The following PDS5B variants were observed in gnomAD, a reference collection of about 807,000 sequenced individuals.
PDS5B encodes sister chromatid cohesion protein PDS5 homolog B.
In PDS5B, 51 loss-of-function variants were observed where a neutral mutation model predicts 184.1. That is an observed-to-expected ratio of 0.28 (90% confidence interval 0.22 to 0.35). PDS5B has a LOEUF of 0.35. PDS5B is among the 10% of genes least tolerant of loss of function. The pLI, the probability that PDS5B is intolerant of heterozygous loss-of-function variation, is 1.00. For synonymous variants in PDS5B, 566 were observed against 569.2 expected (o/e 0.99, Z 0.08); for missense variants, 1,180 against 1,723.3 (o/e 0.68, Z 5.58).
At chr13:32,628,565 A>G (rs572554164) in intron 1 of PDS5B, among the ~76,000 whole-genome samples, 1 of 151,822 alleles carries the variant, frequency 6.6e-6, no homozygotes, top group African/African-American at 2.4e-5. Context: ...AAAAAAAAAA[A>G]AATTATGCTC....
chr13:32,639,519 A>T (rs2058621226), intron 1 of PDS5B, among the ~76,000 whole-genome samples: 1 of 152,220 alleles, frequency 6.6e-6, no homozygotes, highest in South Asian at 2.1e-4. Context: ...TTGTTTAAAC[A>T]GTTGGAAAAT....
chr13:32,665,614 AGAAAATAAACATCTTTACAACCTC>A (rs1950770920), intron 6 of PDS5B, among the ~76,000 whole-genome samples: 1 of 149,648 alleles, frequency 6.7e-6, no homozygotes, highest in Non-Finnish European at 1.5e-5. Flanking sequence ...AAAAAAAAAA[AGAAAATAAACATCTTTACAACCTC>A]AAGATAGGAA....
At chr13:32,760,373 A>G (rs886104940) in intron 29 of PDS5B, among the ~76,000 whole-genome samples, 9 of 152,230 alleles carry the variant, frequency 5.9e-5, no homozygotes, top group African/African-American at 2.2e-4. Context: ...GATAACTAAG[A>G]AATTCAACTG....
Position 32,673,309 on chromosome 13 carries a change from A to AGTC in PDS5B, c.800_802dup (p.Ser267_His268insArg). The AGTC allele has an allele frequency of 6.2e-7, 1 of 1,612,856 alleles. No homozygotes were observed. Among genetic ancestry groups the AGTC allele is most frequent in the Non-Finnish European group, 8.5e-7 (1 of 1,179,170 alleles). On this transcript the variant is annotated inframe_insertion, in exon 8 of 35. Coordinates refer to ENST00000315596, the MANE Select transcript of PDS5B (RefSeq NM_015032.4). Reference sequence around the variant, plus strand: ...AATTTTGGAGCTCTACAATATTGATAGTCATTTGCTGCTCTCTGTTTTACC... The same window carrying AGTC: ...AATTTTGGAGCTCTACAATATTGATAGTCGTCATTTGCTGCTCTCTGTTTTACC...
At chr13:32,609,376 A>G (rs150306384) in intron 1 of PDS5B, among the ~76,000 whole-genome samples, 29 of 152,300 alleles carry the variant, frequency 1.9e-4, no homozygotes, top group Non-Finnish European at 1.5e-5. Flanking sequence ...AGAGGAAAAT[A>G]CTTATTAGAG....
At chr13:32,636,248 A>G (rs2058556501) in intron 1 of PDS5B, among the ~76,000 whole-genome samples, 11 of 152,208 alleles carry the variant, frequency 7.2e-5, no homozygotes, top group Admixed American at 7.2e-4. Flanking sequence ...CTACTTTTAT[A>G]GAATTTTGAA....
Position 32,755,913 on chromosome 13 carries a change from T to A in PDS5B, c.3013T>A (p.Tyr1005Asn). 2 of 1,583,604 alleles carry A rather than the reference T, an allele frequency of 1.3e-6. No homozygotes were observed. Among genetic ancestry groups the A allele is most frequent in the Non-Finnish European group, 1.7e-6 (2 of 1,156,024 alleles). Residue 1005 changes from tyrosine (Y) to asparagine (N), a missense_variant, in exon 26 of 35, where the codon TAT becomes AAT. Physicochemically the swap from Tyr to Asn is moderately radical, Grantham distance 143. Transcript: ENST00000315596. ...TCACCTTTTGGCACATGACCCAGAT[T>A]ATGTCAAAGTACAGGATATTGAACA... ...TIHLLAHDPD[Y>N]VKVQDIEQLK...
chr13:32,623,852 G>A (rs774937646), intron 1 of PDS5B, among the ~76,000 whole-genome samples: 1 of 151,204 alleles, frequency 6.6e-6, no homozygotes, highest in East Asian at 1.9e-4. Flanking sequence ...TGGCTCTCTC[G>A]CCAGGCTGGA....
chr13:32,668,493 A>G (rs113379055), intron 7 of PDS5B, among the ~76,000 whole-genome samples: 245 of 152,262 alleles, frequency 1.6e-3, no homozygotes, highest in Admixed American at 2.6e-3. Flanking sequence ...GTTTATGGTA[A>G]GTTTTATTTT....
Position 32,760,723 on chromosome 13 carries a change from A to G in PDS5B, c.3518+3A>G. On this transcript the variant is annotated splice_donor_region_variant and intron_variant, in intron 30 of 34. Coordinates refer to ENST00000315596, the MANE Select transcript of PDS5B (RefSeq NM_015032.4). ...TCTCCTGGAAGAATAAAGGGGAGGT[A>G]AGTGCAAAAGAAATGCCACAATTTA... The G allele has an allele frequency of 6.2e-7, 1 of 1,610,772 alleles. No individual in the cohort carries two copies. The highest frequency in any genetic ancestry group is 1.1e-5 in the South Asian group (1 of 90,282).
At chr13:32,754,478 G>A (rs1487109747) in intron 25 of PDS5B, among the ~76,000 whole-genome samples, 1 of 152,104 alleles carries the variant, frequency 6.6e-6, no homozygotes, top group Non-Finnish European at 1.5e-5. Context: ...ATTGCCTCCT[G>A]TTTCCAGACA....
intron 1 of PDS5B, among the ~76,000 whole-genome samples, chr13:32,604,786 C>T (rs576609805): frequency 6.6e-6 from 1 of 152,264 alleles, no homozygotes; most frequent in African/African-American, 2.4e-5. Flanking sequence ...TCAACTTCTT[C>T]CTGGTTTAGT....
chr13:32,688,950 G>A (rs954927978), intron 13 of PDS5B: 5 of 215,958 alleles, frequency 2.3e-5, no homozygotes, highest in Admixed American at 5.3e-5. Context: ...TGTGCATTAC[G>A]GTGGAGAGCA....
intron 1 of PDS5B, among the ~76,000 whole-genome samples, chr13:32,626,837 T>G (rs1019009964): frequency 2.0e-5 from 3 of 152,216 alleles, no homozygotes; most frequent in African/African-American, 4.8e-5. Context: ...GTATTTATGG[T>G]TCAAGAATTA....
At chr13:32,729,517 G>A (rs543622704) in intron 19 of PDS5B, among the ~76,000 whole-genome samples, 13 of 152,114 alleles carry the variant, frequency 8.5e-5, no homozygotes, top group Admixed American at 3.9e-4. Context: ...TTGAGGAATC[G>A]CGACACTGTC....
chr13:32,618,974 C>G (rs1044191839), intron 1 of PDS5B, among the ~76,000 whole-genome samples: 8 of 152,204 alleles, frequency 5.3e-5, no homozygotes, highest in Admixed American at 4.6e-4. Context: ...ACATGTGAGT[C>G]TGTTTCTGGA....
chr13:32,752,207 T>G (rs527998238), intron 24 of PDS5B, among the ~76,000 whole-genome samples: 1 of 152,320 alleles, frequency 6.6e-6, no homozygotes, highest in South Asian at 2.1e-4. Context: ...CACATAACAT[T>G]TATTATATAG....
intron 1 of PDS5B, among the ~76,000 whole-genome samples, chr13:32,609,771 A>G (rs974544399): frequency 6.6e-6 from 1 of 152,188 alleles, no homozygotes; most frequent in Non-Finnish European, 1.5e-5. Flanking sequence ...TGAAGAGTCC[A>G]AAGTGGCTGG....
chr13:32,644,688 C>T lies in PDS5B; in HGVS notation c.-19-4066C>T, dbSNP rs116939942. Among the ~76,000 whole-genome samples the T allele has an allele frequency of 4.8e-3, 737 of 152,206 alleles. 3 individuals are homozygous for T. Among genetic ancestry groups the T allele is most frequent in the Non-Finnish European group, 7.4e-3 (503 of 67,998 alleles). ...TATGCTGTAGGGTGTTTATAGCATC[C>T]TACTTATCTCAGATAAAGGAAACTT... On this transcript the variant is annotated intron_variant, in intron 1 of 34. Transcript: ENST00000315596.
Sources: allele counts gnomAD v4.1 joint callset (sites outside exome capture counted in the v4.1 genomes callset), GRCh38; gene constraint gnomAD v4.1.1; transcripts MANE v1.5; gene names NCBI Gene and HGNC (gene_info 2026-07-23, HGNC 2026-07-21).